ARFGEF1: variants seen among roughly 807,000 people sequenced by gnomAD.
The protein encoded by ARFGEF1 is brefeldin A-inhibited guanine nucleotide-exchange protein 1.
ARFGEF1 carries 42 observed loss-of-function variants against 231.0 expected under a neutral mutation model. The observed-to-expected ratio is 0.18, with a 90% CI of 0.14 to 0.24. ARFGEF1 has a LOEUF of 0.24. Among genes scored for constraint, ARFGEF1 ranks in the 10% least tolerant of loss-of-function variants. The pLI is 1.00. For synonymous variants in ARFGEF1, 710 were observed against 732.3 expected, an observed-to-expected ratio of 0.97 and a Z score of 0.49; for missense variants, 1,345 against 2,192.0, an observed-to-expected ratio of 0.61 and a Z score of 7.72.
chr8:67,218,012 C>A lies in ARFGEF1; in HGVS notation c.4465G>T (p.Val1489Leu), dbSNP rs1321816950. The A allele has an allele frequency of 6.2e-7, 1 of 1,612,240 alleles. No individual in the cohort carries two copies. Among genetic ancestry groups the A allele is most frequent in the East Asian group, 2.2e-5 (1 of 44,844 alleles). Residue 1489 changes from valine (V) to leucine (L), a missense_variant, in exon 31 of 39, where the codon GTG (valine) becomes TTG (leucine). This residue lies in a region of ARFGEF1 where 54 missense variants were observed against 86.5 expected (regional missense o/e 0.62). Coordinates refer to ENST00000262215, the MANE Select transcript of ARFGEF1 (RefSeq NM_006421.5). ...DDIFAQLYWC[V>L]QQDNEQLARS... ...TCTGGTACAGACCTACCTTGCTGCA[C>A]ACACCAGTAGAGCTGAGCAAAAATG...
At chr8:67,259,995 A>G in intron 14 of ARFGEF1, 69 bp from the exon 15 acceptor site, 2 of 1,070,462 alleles carry the variant, frequency 1.9e-6, no homozygotes, top group Non-Finnish European at 2.7e-6. Context: ...ATCTTAAACC[A>G]CAGTAAATTT....
At chr8:67,266,336 T>A (rs1246002626) in intron 13 of ARFGEF1, 129 bp from the exon 14 acceptor site, 1 of 679,240 alleles carries the variant, frequency 1.5e-6, no homozygotes, top group Non-Finnish European at 2.5e-6. Flanking sequence ...ACAAAATAAC[T>A]ATTAGGTAAC....
rs146133956 is a variant in ARFGEF1, at chr8:67,226,067, G to T, written c.4033C>A (p.Arg1345=). 6.2e-7 allele frequency: 1 copy of T among 1,612,762 alleles called. No individual in the cohort carries two copies. Among genetic ancestry groups the T allele is most frequent in the African/African-American group, 1.3e-5 (1 of 74,818 alleles). ...TATTTTGCACAATGGCGAATAAGTC[G>T]AATTGCTTCCATACTTGTGTCTGGG... ...AFPDTSMEAI[R]LIRHCAKYVS... Residue 1345 remains arginine, a synonymous_variant, in exon 28 of 39, where the codon CGA becomes AGA. Coordinates refer to ENST00000262215, the MANE Select transcript of ARFGEF1 (RefSeq NM_006421.5).
intron 1 of ARFGEF1, 71 bp downstream of exon 1, chr8:67,343,093 A>ACCCCCCCCCACGCGCCCCCCCCCCCC: frequency 5.4e-6 from 1 of 184,674 alleles, no homozygotes; most frequent in Non-Finnish European, 1.0e-5. Flanking sequence ...GGGCGACCCC[A>ACCCCCCCCCACGCGCCCCCCCCCCCC]CCCCCCCACA....
rs531275097 is a variant in ARFGEF1 at position 67,227,363 on chromosome 8, T to C, written c.3744-54A>G. 1.9e-6 allele frequency: 3 copies of C among 1,598,786 alleles called. No homozygotes were observed. In the East Asian group the frequency reaches 6.7e-5, roughly 36 times the overall value. On this transcript the variant is annotated intron_variant, in intron 26 of 38. Coordinates refer to ENST00000262215, the MANE Select transcript of ARFGEF1 (RefSeq NM_006421.5). ...ATGCAAACCGATAAAACTCATCAGT[T>C]TTTCCCCCTTTCTTCTGTTTTTCTC...
rs1839406385 is a variant in ARFGEF1 at position 67,227,302 on chromosome 8, T to C, written c.3751A>G (p.Thr1251Ala). 5.6e-6 allele frequency: 9 copies of C among 1,610,868 alleles called. No homozygotes were observed. The highest frequency in any genetic ancestry group is 7.6e-6 in the Non-Finnish European group (9 of 1,178,040). ...EHIMKRNRSP[T>A]IRDMVVRCIA... Reference sequence around the variant, plus strand: ...CACCGTACAACCATATCTCGAATTGTTGGAGACCTAAAAATATTAATATAA... The same window carrying C: ...CACCGTACAACCATATCTCGAATTGCTGGAGACCTAAAAATATTAATATAA... The change falls in exon 27 of 39, where the codon ACA becomes GCA. Residue 1251 changes from threonine to alanine, a missense_variant. By Grantham distance (58) the Thr-to-Ala change is moderately conservative. This residue lies in a region of ARFGEF1 where 142 missense variants were observed against 227.3 expected (regional missense o/e 0.62). Coordinates refer to ENST00000262215, the MANE Select transcript of ARFGEF1 (RefSeq NM_006421.5).
At chr8:67,293,569 T>C (rs1156469958) in intron 5 of ARFGEF1, among the ~76,000 whole-genome samples, 1 of 152,146 alleles carries the variant, frequency 6.6e-6, no homozygotes. Context: ...TACTATCATC[T>C]ATAAAAAAGA....
At chr8:67,240,600 A>G (rs1258501635) in intron 19 of ARFGEF1, among the ~76,000 whole-genome samples, 3 of 151,902 alleles carry the variant, frequency 2.0e-5, no homozygotes, top group Non-Finnish European at 4.4e-5. Flanking sequence ...CGACTTCAGA[A>G]CTCCTCTCTC....
At chr8:67,179,879 GTGATTTCT>G in intron 5 of ARFGEF1, 1 of 1,595,148 alleles carries the variant, frequency 6.3e-7, no homozygotes, top group Non-Finnish European at 8.6e-7. Flanking sequence ...GATGACACTA[GTGATTTCT>G]TGAAAAACTC....
At chr8:67,267,847 T>C (rs949678210) in intron 10 of ARFGEF1, among the ~76,000 whole-genome samples, 18 of 152,196 alleles carry the variant, frequency 1.2e-4, no homozygotes, top group African/African-American at 4.3e-4. Context: ...CTGAGAGGCC[T>C]AACTGTTCGT....
chr8:67,184,742 A>C (rs964286928), intron 5 of ARFGEF1, among the ~76,000 whole-genome samples: 1 of 140,006 alleles, frequency 7.1e-6, no homozygotes, highest in Non-Finnish European at 1.5e-5. Flanking sequence ...ATAATAAAAA[A>C]ATATAATAAT....
chr8:67,335,326 C>T (rs913157791), intron 1 of ARFGEF1, among the ~76,000 whole-genome samples: 3 of 152,010 alleles, frequency 2.0e-5, no homozygotes, highest in Middle Eastern at 3.4e-3. Flanking sequence ...AGGATGGTCT[C>T]GATCTCCTCA....
At chr8:67,303,986 T>C (rs967841853) in intron 1 of ARFGEF1, among the ~76,000 whole-genome samples, 10 of 152,182 alleles carry the variant, frequency 6.6e-5, no homozygotes, top group African/African-American at 2.4e-4. Context: ...AAAGGCTGCA[T>C]GGCTTGGACG....
At chr8:67,216,143 A>G (rs1838921696) in intron 33 of ARFGEF1, among the ~76,000 whole-genome samples, 1 of 152,218 alleles carries the variant, frequency 6.6e-6, no homozygotes, top group Admixed American at 6.5e-5. Context: ...GTAAATTTAT[A>G]CCATCTTCTT....
intron 5 of ARFGEF1, chr8:67,179,754 T>A: frequency 4.2e-6 from 3 of 716,924 alleles, no homozygotes; most frequent in Non-Finnish European, 7.3e-6. Context: ...CTACCCATCC[T>A]CTGCTTTTAG....
intron 29 of ARFGEF1, among the ~76,000 whole-genome samples, chr8:67,224,238 A>G (rs913735590): frequency 6.6e-6 from 1 of 152,142 alleles, no homozygotes; most frequent in Non-Finnish European, 1.5e-5. Context: ...GTGGGTTTAG[A>G]GGTTGACAGA....
intron 19 of ARFGEF1, among the ~76,000 whole-genome samples, chr8:67,250,091 C>T (rs186772408): frequency 2.6e-5 from 4 of 152,206 alleles, no homozygotes; most frequent in East Asian, 1.9e-4. Context: ...AGAGATCTAG[C>T]GATGGAATTG....
At chr8:67,324,092 C>A (rs1162347171) in intron 1 of ARFGEF1, among the ~76,000 whole-genome samples, 1 of 152,156 alleles carries the variant, frequency 6.6e-6, no homozygotes, top group Non-Finnish European at 1.5e-5. Context: ...TGAGCCACCG[C>A]AGCCAGCCAC....
intron 23 of ARFGEF1, among the ~76,000 whole-genome samples, chr8:67,228,623 T>C (rs971829441): frequency 2.0e-5 from 3 of 152,216 alleles, no homozygotes; most frequent in South Asian, 2.1e-4. Context: ...TTCCTGATTA[T>C]TGTCTAGCAT....
Sources: gnomAD v4.1 joint callset for allele counts (sites outside exome capture counted in the v4.1 genomes callset) on GRCh38, gnomAD v4.1.1 for gene constraint, gnomAD v4.1.1 regional missense constraint, MANE v1.5 for transcripts, NCBI Gene and HGNC (gene_info 2026-07-23, HGNC 2026-07-21) for gene names.